TACC2: variants seen among roughly 807,000 people sequenced by gnomAD.
The protein encoded by TACC2 is transforming acidic coiled-coil-containing protein 2.
Under a neutral mutation model 227.3 loss-of-function variants are expected in TACC2, and 137 were observed. The observed-to-expected ratio is 0.60, with a 90% confidence interval of 0.52 to 0.69. The LOEUF is 0.69. Ranked by LOEUF, TACC2 falls within the 30% of genes least tolerant of loss-of-function variation. The probability of loss-of-function intolerance (pLI) is 0.00; values close to 1 mark genes in which losing one functional copy is unlikely to be tolerated. For synonymous variants in TACC2, 1,523 were observed against 1,487.5 expected (o/e 1.02, Z -0.55); for missense variants, 3,470 against 3,694.4 (o/e 0.94, Z 1.57).
At chr10:122,160,528 A>AGTGT (rs200468950) in intron 7 of TACC2, among the ~76,000 whole-genome samples, 1 of 143,952 alleles carries the variant, frequency 6.9e-6, no homozygotes, top group Admixed American at 6.9e-5. Context: ...GCAGAGAAGA[A>AGTGT]GTGTGTGTGT....
chr10:122,138,121 GA>G (rs1323772562), intron 6 of TACC2, among the ~76,000 whole-genome samples: 2 of 151,370 alleles, frequency 1.3e-5, no homozygotes, highest in Non-Finnish European at 2.9e-5. Flanking sequence ...TGCACAATAA[GA>G]TTTTTTTGTC....
rs1453441105 is a variant in TACC2 at position 122,083,326 on chromosome 10, C to T, written c.826C>T (p.Pro276Ser). ...LEKSPLKPMA[P>S]IPQDPAPRAS... ...GAAGTCCCCCCTAAAACCCATGGCC[C>T]CGATCCCACAAGATCCAGCCCCAAG... Residue 276 changes from proline (P) to serine (S), a missense_variant, in exon 4 of 23, where the codon CCG becomes TCG. Around this residue, in one of 10 missense-constraint regions of TACC2, gnomAD observed 405 missense variants for 389.6 expected, o/e 1.04. Coordinates refer to ENST00000369005, the MANE Select transcript of TACC2 (RefSeq NM_206862.4). 3 of 1,613,904 alleles carry T rather than the reference C, an allele frequency of 1.9e-6. No individual in the cohort carries two copies. Among genetic ancestry groups the T allele is most frequent in the African/African-American group, 1.3e-5 (1 of 74,890 alleles).
At chr10:122,089,767 A>T (rs1404248953) in intron 5 of TACC2, among the ~76,000 whole-genome samples, 2 of 151,800 alleles carry the variant, frequency 1.3e-5, no homozygotes, top group African/African-American at 4.9e-5. Context: ...TATTTTGCAC[A>T]TTCAGAAAGA....
At chr10:122,142,700 G>T (rs1268330448) in intron 6 of TACC2, among the ~76,000 whole-genome samples, 1 of 152,216 alleles carries the variant, frequency 6.6e-6, no homozygotes, top group Non-Finnish European at 1.5e-5. Context: ...CTCAGGCTGG[G>T]TTTCAGGCCG....
chr10:122,083,848 A>G lies in TACC2; in HGVS notation c.1348A>G (p.Met450Val). ...SSRESVSKAG[M>V]PVSADAAKEV... ...CAGGGAATCAGTTTCCAAGGCTGGG[A>G]TGCCAGTTTCTGCAGATGCAGCCAA... The change falls in exon 4 of 23, where the codon ATG becomes GTG. Residue 450 changes from methionine (M) to valine (V), a missense_variant. Physicochemically the swap from Met to Val is conservative, Grantham distance 21 (BLOSUM62 1). Transcript: ENST00000369005. The G allele has an allele frequency of 6.2e-7, 1 of 1,614,148 alleles. No individual in the cohort carries two copies. Among genetic ancestry groups the G allele is most frequent in the Non-Finnish European group, 8.5e-7 (1 of 1,180,022 alleles).
chr10:122,215,171 C>T (rs2095374310), intron 9 of TACC2, among the ~76,000 whole-genome samples: 2 of 152,138 alleles, frequency 1.3e-5, no homozygotes, highest in African/African-American at 2.4e-5. Flanking sequence ...TTAAAGATCT[C>T]CAGCTTGATG....
At chr10:122,232,201 T>C (rs1224342776) in intron 16 of TACC2, among the ~76,000 whole-genome samples, 1 of 152,220 alleles carries the variant, frequency 6.6e-6, no homozygotes, top group African/African-American at 2.4e-5. Flanking sequence ...AGTGAGGATT[T>C]TCCCCCCACT....
chr10:122,049,666 A>C (rs1401631180), intron 2 of TACC2, among the ~76,000 whole-genome samples: 1 of 152,094 alleles, frequency 6.6e-6, no homozygotes, highest in Non-Finnish European at 1.5e-5. Context: ...GAGCTTACAA[A>C]AGCCCTTTCC....
rs867439926 is a variant in TACC2 at position 122,048,682 on chromosome 10, A to G, written c.34-1756A>G. Among the ~76,000 whole-genome samples, 27 of 152,026 alleles carry G rather than the reference A, an allele frequency of 1.8e-4. 1 individual carries two copies. The highest frequency in any genetic ancestry group is 5.3e-4 in the African/African-American group (22 of 41,396). ...TGGGGAGGCAGTTTCTAATTCACACAATGGCATTGTCTGCTCCCAGGCCAT... is the reference window on the plus strand; with the variant it reads ...TGGGGAGGCAGTTTCTAATTCACACGATGGCATTGTCTGCTCCCAGGCCAT... On this transcript the variant is annotated intron_variant, in intron 2 of 22. Coordinates refer to ENST00000369005, the MANE Select transcript of TACC2 (RefSeq NM_206862.4).
At chr10:122,056,558 C>T (rs776794247) in intron 3 of TACC2, among the ~76,000 whole-genome samples, 2 of 152,182 alleles carry the variant, frequency 1.3e-5, no homozygotes, top group Non-Finnish European at 2.9e-5. Context: ...CATTCTGCCA[C>T]GCGGCTGTGT....
chr10:122,085,431 C>T lies in TACC2; in HGVS notation c.2931C>T (p.Asn977=), dbSNP rs1274789510. The T allele has an allele frequency of 6.2e-7, 1 of 1,613,902 alleles. No homozygotes were observed. The highest frequency in any genetic ancestry group is 8.5e-7 in the Non-Finnish European group (1 of 1,180,048). ...TAAAAGACTTTTCTCTTGCAGGGAA[C>T]TTCAGCAGAAAGGAAACTTGCTGCA... ...DVLKDFSLAG[N]FSRKETCCTG... Residue 977 remains asparagine, a synonymous_variant, in exon 4 of 23, where the codon AAC becomes AAT. Coordinates refer to ENST00000369005, the MANE Select transcript of TACC2 (RefSeq NM_206862.4).
chr10:122,219,174 T>A (rs1200500780), intron 11 of TACC2, among the ~76,000 whole-genome samples: 1 of 152,110 alleles, frequency 6.6e-6, no homozygotes. Context: ...CAGCTGCCTC[T>A]GCAGTGCTGC....
chr10:122,091,071 G>T lies in TACC2; in HGVS notation c.5573+2480G>T, dbSNP rs2080760873. On this transcript the variant is annotated intron_variant, in intron 5 of 22. Coordinates refer to ENST00000369005, the MANE Select transcript of TACC2 (RefSeq NM_206862.4). ...CAGATCTTCATGGCTGAAATTGCATGACTGATTATGGTTTTAACAGCAATG... is the reference window on the plus strand; with the variant it reads ...CAGATCTTCATGGCTGAAATTGCATTACTGATTATGGTTTTAACAGCAATG... Among the ~76,000 whole-genome samples, 3 of 152,240 alleles carry T rather than the reference G, an allele frequency of 2.0e-5. No homozygotes were observed. The South Asian group carries it at 6.2e-4, about 32-fold the overall frequency.
At chr10:122,008,972 TATACTTAATC>T (rs1282256697) in intron 1 of TACC2, among the ~76,000 whole-genome samples, 2 of 152,210 alleles carry the variant, frequency 1.3e-5, no homozygotes, top group African/African-American at 4.8e-5. Context: ...TATGTTTGGG[TATACTTAATC>T]ATCTGACAAT....
chr10:122,247,719 A>G (rs996330076), intron 19 of TACC2: 3 of 152,216 alleles, frequency 2.0e-5, no homozygotes, highest in African/African-American at 7.2e-5. Flanking sequence ...GGACACAAAG[A>G]TGGGAACAGA....
intron 1 of TACC2, among the ~76,000 whole-genome samples, chr10:122,009,131 T>G (rs1436547642): frequency 6.6e-6 from 1 of 152,216 alleles, no homozygotes; most frequent in Non-Finnish European, 1.5e-5. Flanking sequence ...AATCCAGGAT[T>G]TTCTGACTTT....
intron 3 of TACC2, among the ~76,000 whole-genome samples, chr10:122,062,063 C>G (rs1385474491): frequency 2.5e-5 from 3 of 120,368 alleles, no homozygotes; most frequent in African/African-American, 9.4e-5. Flanking sequence ...GACGGAGTCT[C>G]GCTCTGTCAC....
intron 2 of TACC2, among the ~76,000 whole-genome samples, chr10:122,034,945 A>G (rs1039144108): frequency 2.1e-5 from 3 of 141,830 alleles, no homozygotes; most frequent in East Asian, 2.0e-4. Context: ...AAAAAAAAAA[A>G]GTTTTGGAAT....
chr10:122,001,788 T>G (rs919262137), intron 1 of TACC2, among the ~76,000 whole-genome samples: 3 of 152,182 alleles, frequency 2.0e-5, no homozygotes, highest in Non-Finnish European at 4.4e-5. Flanking sequence ...TCCATATTTC[T>G]CCTATATCCT....
Sources: allele counts gnomAD v4.1 joint callset (sites outside exome capture counted in the v4.1 genomes callset), GRCh38; gene constraint gnomAD v4.1.1; regional missense constraint gnomAD v4.1.1; transcripts MANE v1.5; gene names NCBI Gene and HGNC (gene_info 2026-07-23, HGNC 2026-07-21).